Variants in ZSWIM6 observed in about 807,000 individuals in gnomAD.
The protein encoded by ZSWIM6 is zinc finger SWIM domain-containing protein 6.
ZSWIM6 carries 9 observed loss-of-function variants against 113.2 expected under a neutral mutation model. The ratio of observed to expected loss-of-function variants is 0.08; its 90% CI spans 0.05 to 0.14. The LOEUF is 0.14. ZSWIM6 is among the 10% of genes least tolerant of loss of function. The pLI is 1.00. For synonymous variants in ZSWIM6, 611 were observed against 606.5 expected (o/e 1.01, Z -0.11); for missense variants, 1,162 against 1,552.2 (o/e 0.75, Z 4.22).
chr5:61,433,060 G>T (rs1206025151), intron 1 of ZSWIM6, among the ~76,000 whole-genome samples: 1 of 152,118 alleles, frequency 6.6e-6, no homozygotes, highest in Admixed American at 6.5e-5. Flanking sequence ...TCTAAGCAAG[G>T]ATAATGGCCT....
chr5:61,418,132 A>C (rs1746291085), intron 1 of ZSWIM6, among the ~76,000 whole-genome samples: 2 of 152,190 alleles, frequency 1.3e-5, no homozygotes, highest in Non-Finnish European at 2.9e-5. Flanking sequence ...ATTTGAATGT[A>C]GATTATGCTA....
chr5:61,335,128 T>C (rs984962821), intron 1 of ZSWIM6, among the ~76,000 whole-genome samples: 1 of 152,244 alleles, frequency 6.6e-6, no homozygotes, highest in African/African-American at 2.4e-5. Flanking sequence ...TGAGTAGTTG[T>C]AAAAGAAAAT....
At chr5:61,457,502 A>G (rs1354530515) in intron 1 of ZSWIM6, among the ~76,000 whole-genome samples, 1 of 151,838 alleles carries the variant, frequency 6.6e-6, no homozygotes, top group Non-Finnish European at 1.5e-5. Context: ...TGACTAAATA[A>G]GTGGCCCCTC....
At position 61,332,268 on chromosome 5, in the gene ZSWIM6, C is replaced by G; in HGVS notation, c.-5C>G. Reference sequence around the variant, plus strand: ...TTCCGCTGTCGGGTTAGAAGCGGCGCGGTCATGGCGGAGCGCGGACAGCAG... The same window carrying G: ...TTCCGCTGTCGGGTTAGAAGCGGCGGGGTCATGGCGGAGCGCGGACAGCAG... On this transcript the variant is annotated 5_prime_UTR_variant, in exon 1 of 14. Transcript: ENST00000252744. 8.6e-7 allele frequency: 1 copy of G among 1,163,282 alleles called. No individual in the cohort carries two copies. Among genetic ancestry groups the G allele is most frequent in the Middle Eastern group, 2.5e-4 (1 of 4,072 alleles). The allele number at this position is 1,163,282 out of a possible 1,614,324, so 72.1% of individuals were successfully genotyped here. A position where few individuals can be genotyped will look rare whatever the true frequency, so the allele number is the denominator to read the frequency against.
chr5:61,391,662 C>T, intron 1 of ZSWIM6: 1 of 1,017,000 alleles, frequency 9.8e-7, no homozygotes, highest in Admixed American at 1.7e-5. Flanking sequence ...CTATCACTTC[C>T]TTCTTGTTCA....
intron 4 of ZSWIM6, among the ~76,000 whole-genome samples, chr5:61,505,241 A>C (rs1748571036): frequency 6.6e-6 from 1 of 152,216 alleles, no homozygotes; most frequent in Admixed American, 6.5e-5. Context: ...CACAGTTCAC[A>C]TTCCTTCAGC....
intron 1 of ZSWIM6, among the ~76,000 whole-genome samples, chr5:61,392,936 A>G (rs1054855571): frequency 6.6e-6 from 1 of 151,866 alleles, no homozygotes; most frequent in Non-Finnish European, 1.5e-5. Flanking sequence ...TTTTAACTCA[A>G]TACTTTGGCT....
chr5:61,344,264 A>AT (rs1222336338), intron 1 of ZSWIM6, among the ~76,000 whole-genome samples: 1 of 151,920 alleles, frequency 6.6e-6, no homozygotes, highest in East Asian at 1.9e-4. Flanking sequence ...CACTTGTGTA[A>AT]TTTTTGTCTG....
chr5:61,364,476 G>A (rs1333146056), intron 1 of ZSWIM6, among the ~76,000 whole-genome samples: 1 of 152,080 alleles, frequency 6.6e-6, no homozygotes, highest in Non-Finnish European at 1.5e-5. Flanking sequence ...TTTGTGATGT[G>A]AAAATTATAT....
At chr5:61,475,991 A>G (rs1177749467) in intron 2 of ZSWIM6, among the ~76,000 whole-genome samples, 1 of 152,220 alleles carries the variant, frequency 6.6e-6, no homozygotes, top group Non-Finnish European at 1.5e-5. Context: ...TTGGAAAAGC[A>G]TCACTTTTAC....
chr5:61,480,331 A>G (rs1747823414), intron 2 of ZSWIM6, among the ~76,000 whole-genome samples: 3 of 152,196 alleles, frequency 2.0e-5, no homozygotes, highest in African/African-American at 7.2e-5. Context: ...TGACAGGTCT[A>G]TTTGAGTTCC....
At chr5:61,457,944 T>C (rs1747238514) in intron 1 of ZSWIM6, among the ~76,000 whole-genome samples, 1 of 152,218 alleles carries the variant, frequency 6.6e-6, no homozygotes, top group South Asian at 2.1e-4. Flanking sequence ...GAATCATATA[T>C]ATTATGCCAG....
intron 2 of ZSWIM6, among the ~76,000 whole-genome samples, chr5:61,486,247 GA>G (rs769253893): frequency 1.2e-4 from 18 of 152,058 alleles, no homozygotes; most frequent in Non-Finnish European, 2.9e-5. Flanking sequence ...TTAATATAAT[GA>G]TGTCTTGTTC....
At chr5:61,332,999 TGGG>T (rs369791585) in intron 1 of ZSWIM6, 51 bp downstream of exon 1, 44 of 623,678 alleles carry the variant, frequency 7.1e-5, no homozygotes, top group Non-Finnish European at 8.1e-5. Context: ...AGTCCCTGGG[TGGG>T]GGGGGGGTGC....
At chr5:61,473,746 G>A (rs1193193559) in intron 2 of ZSWIM6, among the ~76,000 whole-genome samples, 1 of 151,990 alleles carries the variant, frequency 6.6e-6, no homozygotes, top group Admixed American at 6.6e-5. Flanking sequence ...AAAACATTTG[G>A]ACATAATTTT....
chr5:61,340,515 A>G (rs1363427620), intron 1 of ZSWIM6, among the ~76,000 whole-genome samples: 2 of 152,210 alleles, frequency 1.3e-5, no homozygotes, highest in East Asian at 1.9e-4. Context: ...GTATTTTTGT[A>G]AATAAAATAC....
At chr5:61,354,778 G>A (rs1166520591) in intron 1 of ZSWIM6, among the ~76,000 whole-genome samples, 1 of 152,164 alleles carries the variant, frequency 6.6e-6, no homozygotes, top group Non-Finnish European at 1.5e-5. Context: ...ATTAAGGACA[G>A]TTGAGGGAGT....
At chr5:61,494,017 C>T (rs745995375) in intron 3 of ZSWIM6, among the ~76,000 whole-genome samples, 10 of 151,838 alleles carry the variant, frequency 6.6e-5, no homozygotes, top group African/African-American at 2.2e-4. Context: ...ATGGTCATTT[C>T]TTTGATTAAA....
intron 1 of ZSWIM6, among the ~76,000 whole-genome samples, chr5:61,447,782 G>A (rs910357219): frequency 6.6e-6 from 1 of 152,184 alleles, no homozygotes; most frequent in Non-Finnish European, 1.5e-5. Flanking sequence ...CTGAGACAGT[G>A]AGTATTGCCA....
Sources: gnomAD v4.1 joint callset for allele counts (sites outside exome capture counted in the v4.1 genomes callset) on GRCh38, gnomAD v4.1.1 for gene constraint, MANE v1.5 for transcripts, NCBI Gene and HGNC (gene_info 2026-07-23, HGNC 2026-07-21) for gene names.